CHST11: variants seen among roughly 807,000 people sequenced by gnomAD.
CHST11 encodes carbohydrate sulfotransferase 11, also known as C4S-1.
In CHST11, 9 loss-of-function variants were observed where a neutral mutation model predicts 30.4. The observed-to-expected ratio is 0.30, with a 90% CI of 0.18 to 0.52. The LOEUF is 0.52. Among genes scored for constraint, CHST11 ranks in the 20% least tolerant of loss-of-function variants. CHST11 has a pLI of 0.97. For synonymous variants in CHST11, 152 were observed against 187.8 expected, an observed-to-expected ratio of 0.81 and a Z score of 1.56; for missense variants, 348 against 460.6, an observed-to-expected ratio of 0.76 and a Z score of 2.24.
intron 2 of CHST11, among the ~76,000 whole-genome samples, chr12:104,701,434 A>G (rs167490): frequency 0.83 from 126,485 of 152,130 alleles, 52,640 homozygotes; most frequent in South Asian, 0.9. Context: ...CAGACTGACC[A>G]TAGGTGCATG....
intron 1 of CHST11, among the ~76,000 whole-genome samples, chr12:104,593,862 C>G (rs10861246): frequency 0.28 from 42,831 of 151,968 alleles, 6,172 homozygotes; most frequent in African/African-American, 0.34. Flanking sequence ...CATCACAGCA[C>G]CACGACAGCA....
At chr12:104,653,198 T>C (rs976757198) in intron 2 of CHST11, among the ~76,000 whole-genome samples, 1 of 152,196 alleles carries the variant, frequency 6.6e-6, no homozygotes, top group Non-Finnish European at 1.5e-5. Context: ...TTTCTGTTTC[T>C]ATGAGTTTGA....
intron 1 of CHST11, among the ~76,000 whole-genome samples, chr12:104,486,376 A>G (rs2135964207): frequency 6.6e-6 from 1 of 151,698 alleles, no homozygotes; most frequent in East Asian, 1.9e-4. Context: ...GGCTGTTTGG[A>G]CAGGAATCGG....
intron 1 of CHST11, among the ~76,000 whole-genome samples, chr12:104,498,222 A>T (rs910381465): frequency 3.3e-5 from 5 of 152,084 alleles, no homozygotes; most frequent in African/African-American, 4.8e-5. Context: ...CCACTGCACC[A>T]GACCCTGTCC....
chr12:104,476,268 A>G (rs2037561930), intron 1 of CHST11, among the ~76,000 whole-genome samples: 2 of 149,838 alleles, frequency 1.3e-5, no homozygotes, highest in South Asian at 4.2e-4. Context: ...TATATGTAAT[A>G]TGTACACATG....
chr12:104,646,582 A>C (rs1183003751), intron 2 of CHST11, among the ~76,000 whole-genome samples: 1 of 152,106 alleles, frequency 6.6e-6, no homozygotes. Flanking sequence ...AAATACAAAA[A>C]ATAGCTGGGC....
At chr12:104,684,341 T>C (rs2039826172) in intron 2 of CHST11, among the ~76,000 whole-genome samples, 1 of 148,792 alleles carries the variant, frequency 6.7e-6, no homozygotes, top group South Asian at 2.1e-4. Flanking sequence ...GATGGACAGA[T>C]AGGTGGATGG....
At chr12:104,699,065 A>G (rs1401262826) in intron 2 of CHST11, among the ~76,000 whole-genome samples, 1 of 152,230 alleles carries the variant, frequency 6.6e-6, no homozygotes, top group Non-Finnish European at 1.5e-5. Flanking sequence ...TTCCAAAATG[A>G]CTAGTTGCAT....
chr12:104,706,154 C>T (rs543261123), intron 2 of CHST11, among the ~76,000 whole-genome samples: 39 of 151,836 alleles, frequency 2.6e-4, no homozygotes, highest in South Asian at 1.5e-3. Flanking sequence ...GAGGCCGAGG[C>T]GGGCAGATCA....
chr12:104,586,089 C>T (rs955039218), intron 1 of CHST11, among the ~76,000 whole-genome samples: 12 of 152,280 alleles, frequency 7.9e-5, no homozygotes, highest in East Asian at 1.9e-4. Context: ...CACTATATCA[C>T]GGTCATAGCA....
intron 1 of CHST11, among the ~76,000 whole-genome samples, chr12:104,545,410 T>G (rs78365881): frequency 0.039 from 5,874 of 152,334 alleles, 394 homozygotes; most frequent in African/African-American, 0.13. Context: ...GGAGAATGGA[T>G]GTGGACTGTG....
rs2040512314 is a variant in CHST11 at position 104,760,229 on chromosome 12, A to G, written c.*2426A>G. 6.8e-6 allele frequency: 1 copy of G among 146,546 alleles called. No individual in the cohort carries two copies. The highest frequency in any genetic ancestry group is 2.5e-5 in the African/African-American group (1 of 39,634). 9.1% of individuals were successfully genotyped at this position (146,546 alleles called of 1,614,324 possible). A position where few individuals can be genotyped will look rare whatever the true frequency, so the allele number is the denominator to read the frequency against. On this transcript the variant is annotated 3_prime_UTR_variant, in exon 3 of 3. Transcript: ENST00000303694. ...TAGCATATCTGAGGTCTTCAAGGAT[A>G]AAAACTGCCACCCCAACACCCTTCC...
chr12:104,515,991 A>G (rs2038018621), intron 1 of CHST11, among the ~76,000 whole-genome samples: 1 of 152,262 alleles, frequency 6.6e-6, no homozygotes, highest in Admixed American at 6.5e-5. Context: ...TTTTAAAAAA[A>G]TTATTTTATC....
At chr12:104,752,717 T>C (rs946014264) in intron 2 of CHST11, among the ~76,000 whole-genome samples, 11 of 152,132 alleles carry the variant, frequency 7.2e-5, no homozygotes, top group African/African-American at 2.7e-4. Flanking sequence ...TTAGTACAAA[T>C]GGGGTTTCGC....
At chr12:104,652,964 T>A (rs941252429) in intron 2 of CHST11, among the ~76,000 whole-genome samples, 1 of 152,190 alleles carries the variant, frequency 6.6e-6, no homozygotes, top group Non-Finnish European at 1.5e-5. Flanking sequence ...TCGTTCCATC[T>A]AGGGAGGCAG....
chr12:104,658,249 G>T (rs1349808154), intron 2 of CHST11, among the ~76,000 whole-genome samples: 1 of 152,252 alleles, frequency 6.6e-6, no homozygotes, highest in Non-Finnish European at 1.5e-5. Flanking sequence ...CTGGAGGCTG[G>T]GAGTCTAAGA....
intron 2 of CHST11, among the ~76,000 whole-genome samples, chr12:104,607,960 A>G (rs11836281): frequency 0.027 from 4,138 of 152,246 alleles, 126 homozygotes; most frequent in East Asian, 0.087. Flanking sequence ...CATCTATAAA[A>G]TGAAGGGGTT....
intron 2 of CHST11, among the ~76,000 whole-genome samples, chr12:104,671,295 G>A: frequency 6.6e-6 from 1 of 152,200 alleles, no homozygotes; most frequent in East Asian, 1.9e-4. Context: ...GGAAAAGCCT[G>A]GAGCAGGGCT....
chr12:104,483,472 C>T (rs1386839319), intron 1 of CHST11, among the ~76,000 whole-genome samples: 3 of 152,208 alleles, frequency 2.0e-5, no homozygotes, highest in Non-Finnish European at 2.9e-5. Context: ...TCTCAAAGTG[C>T]TGGGATTACA....
Sources: gnomAD v4.1 joint callset for allele counts (sites outside exome capture counted in the v4.1 genomes callset) on GRCh38, gnomAD v4.1.1 for gene constraint, MANE v1.5 for transcripts, NCBI Gene and HGNC (gene_info 2026-07-23, HGNC 2026-07-21) for gene names.